FAM135B: variants seen among roughly 807,000 people sequenced by gnomAD.
FAM135B encodes the protein protein FAM135B.
In FAM135B, 43 loss-of-function variants were observed where a neutral mutation model predicts 127.7. The observed-to-expected ratio is 0.34, with a 90% CI of 0.26 to 0.43. The LOEUF (loss-of-function observed/expected upper bound fraction) is 0.43. Among genes scored for constraint, FAM135B ranks in the 20% least tolerant of loss-of-function variants. FAM135B has a pLI of 1.00. For synonymous variants in FAM135B, 670 were observed against 665.1 expected (o/e 1.01, Z -0.11); for missense variants, 1,558 against 1,725.6 (o/e 0.90, Z 1.72).
At chr8:138,268,543 G>A (rs573973480) in intron 3 of FAM135B, among the ~76,000 whole-genome samples, 2 of 152,222 alleles carry the variant, frequency 1.3e-5, no homozygotes, top group African/African-American at 4.8e-5. Context: ...CTCACCAATC[G>A]CAAGACACTT....
intron 14 of FAM135B, among the ~76,000 whole-genome samples, chr8:138,147,654 C>T (rs543920044): frequency 6.6e-6 from 1 of 152,090 alleles, no homozygotes; most frequent in Non-Finnish European, 1.5e-5. Flanking sequence ...TGCTTGGTAT[C>T]GGTTGTGGTT....
chr8:138,142,274 T>A (rs1817234731), intron 16 of FAM135B, among the ~76,000 whole-genome samples: 2 of 140,056 alleles, frequency 1.4e-5, no homozygotes, highest in Admixed American at 7.2e-5. Context: ...GGTGGGCAAC[T>A]CATTCTGCTT....
chr8:138,368,113 T>C (rs1384558867), intron 1 of FAM135B, 111 bp from the exon 2 acceptor site: 2 of 710,498 alleles, frequency 2.8e-6, no homozygotes, highest in Non-Finnish European at 4.9e-6. Flanking sequence ...AGGAGTAGCG[T>C]GTGTCCACTG....
At chr8:138,342,610 A>G (rs969517327) in intron 2 of FAM135B, among the ~76,000 whole-genome samples, 2 of 152,160 alleles carry the variant, frequency 1.3e-5, no homozygotes, top group Admixed American at 1.3e-4. Flanking sequence ...AGATTATGAC[A>G]CTCAGTAGAA....
chr8:138,210,942 G>A (rs1174582991), intron 7 of FAM135B, among the ~76,000 whole-genome samples: 1 of 152,148 alleles, frequency 6.6e-6, no homozygotes, highest in Admixed American at 6.5e-5. Context: ...GTGTGGGGTG[G>A]GGAAGCAGAA....
intron 7 of FAM135B, among the ~76,000 whole-genome samples, chr8:138,208,890 CATT>C (rs1817919723): frequency 6.6e-6 from 1 of 152,120 alleles, no homozygotes; most frequent in Non-Finnish European, 1.5e-5. Flanking sequence ...AAAAAAATCT[CATT>C]ATTAGTTAGA....
intron 13 of FAM135B, among the ~76,000 whole-genome samples, chr8:138,149,132 TAA>T (rs1179901613): frequency 1.2e-5 from 1 of 85,360 alleles, no homozygotes; most frequent in South Asian, 4.1e-4. Flanking sequence ...AGTATAATAA[TAA>T]AAAAATAAAT....
At chr8:138,344,444 C>A (rs1829262720) in intron 2 of FAM135B, among the ~76,000 whole-genome samples, 2 of 152,182 alleles carry the variant, frequency 1.3e-5, no homozygotes, top group South Asian at 4.1e-4. Flanking sequence ...CTTCCTTTGG[C>A]CTTTTTCCTC....
intron 1 of FAM135B, among the ~76,000 whole-genome samples, chr8:138,445,930 T>C (rs531149519): frequency 6.6e-6 from 1 of 152,182 alleles, no homozygotes; most frequent in African/African-American, 2.4e-5. Context: ...AAAATCTCCT[T>C]AAGCTGATAA....
chr8:138,491,156 A>AAAAAG (rs1815182837), intron 1 of FAM135B, among the ~76,000 whole-genome samples: 1 of 146,986 alleles, frequency 6.8e-6, no homozygotes, highest in Non-Finnish European at 1.5e-5. Context: ...AAAAAAAAAA[A>AAAAAG]AAAGAAAGAA....
intron 1 of FAM135B, among the ~76,000 whole-genome samples, chr8:138,391,438 C>T (rs1386594003): frequency 1.3e-5 from 2 of 152,132 alleles, no homozygotes; most frequent in Admixed American, 1.3e-4. Flanking sequence ...ACCAGCCTCA[C>T]ATAGATCTTC....
chr8:138,374,290 T>G (rs530178576), intron 1 of FAM135B, among the ~76,000 whole-genome samples: 18 of 152,328 alleles, frequency 1.2e-4, no homozygotes, highest in African/African-American at 4.3e-4. Flanking sequence ...CATCTGTACT[T>G]GGAGGGAAAC....
At position 138,146,067 on chromosome 8, in the gene FAM135B, AC is replaced by A; in HGVS notation, c.3449-18del. ...CACTGTTCCCTAAAAATGACAGATA[AC>A]CCCCATCCCAGTCCCGTAGTTAGTC... On this transcript the variant is annotated intron_variant, in intron 14 of 19. Transcript: ENST00000395297. The A allele has an allele frequency of 4.3e-6, 6 of 1,398,304 alleles. No homozygotes were observed. The highest frequency in any genetic ancestry group is 1.2e-5 in the South Asian group (1 of 85,240). The allele number at this position is 1,398,304 out of a possible 1,614,324, so 86.6% of individuals were successfully genotyped here. A position where few individuals can be genotyped will look rare whatever the true frequency, so the allele number is the denominator to read the frequency against.
At chr8:138,450,027 C>T (rs1377021765) in intron 1 of FAM135B, among the ~76,000 whole-genome samples, 2 of 152,214 alleles carry the variant, frequency 1.3e-5, no homozygotes, top group Non-Finnish European at 2.9e-5. Context: ...CTCTTCTTCC[C>T]TCTCTACCTG....
chr8:138,457,987 A>T (rs1454631732), intron 1 of FAM135B, among the ~76,000 whole-genome samples: 1 of 150,884 alleles, frequency 6.6e-6, no homozygotes, highest in Admixed American at 6.6e-5. Context: ...AAAAAAAAAA[A>T]AAAAGAGAGA....
intron 2 of FAM135B, among the ~76,000 whole-genome samples, chr8:138,362,236 C>G (rs1001276049): frequency 6.6e-6 from 1 of 150,780 alleles, no homozygotes; most frequent in African/African-American, 2.4e-5. Context: ...TTCTTTTATA[C>G]CCATTAACCA....
At chr8:138,444,757 C>G (rs1836012264) in intron 1 of FAM135B, among the ~76,000 whole-genome samples, 1 of 151,998 alleles carries the variant, frequency 6.6e-6, no homozygotes, top group African/African-American at 2.4e-5. Flanking sequence ...GAAGCAACAG[C>G]AAACACATTC....
At chr8:138,206,284 C>G (rs796136103) in intron 7 of FAM135B, among the ~76,000 whole-genome samples, 5 of 57,762 alleles carry the variant, frequency 8.7e-5, no homozygotes, top group South Asian at 1.1e-3. Flanking sequence ...CCTCCACCTA[C>G]GCACAGCTCT....
rs1817126343 is a variant in FAM135B at position 138,141,316 on chromosome 8, G to A, written c.3672C>T (p.Ile1224=). The stretch of plus-strand genomic sequence containing the variant: ...ACCGGGGCCGTGTGAGGACCGATCG[G>A]ATGATGATGTTGCCAAGAGAATGGC... ...FIGHSLGNII[I]RSVLTRPRFR... is the part of the protein sequence containing the mutation. The change falls in exon 17 of 20, where the codon ATC becomes ATT. Residue 1224 remains isoleucine, a synonymous_variant. Transcript: ENST00000395297. The surrounding 1 kb of genome is among the most constrained non-coding windows in gnomAD (Gnocchi z 4.7). 6.2e-7 allele frequency: 1 copy of A among 1,614,148 alleles called. No homozygotes were observed. The highest frequency in any genetic ancestry group is 8.5e-7 in the Non-Finnish European group (1 of 1,180,026).
Sources: gnomAD v4.1 joint callset for allele counts (sites outside exome capture counted in the v4.1 genomes callset) on GRCh38, gnomAD v4.1.1 for gene constraint, Gnocchi (gnomAD v3.1) non-coding constraint, MANE v1.5 for transcripts, NCBI Gene and HGNC (gene_info 2026-07-23, HGNC 2026-07-21) for gene names.